ADAMTSL1: variants seen among roughly 807,000 people sequenced by gnomAD.
ADAMTSL1 encodes ADAMTS like 1.
A neutral mutation model predicts 201.8 loss-of-function variants in ADAMTSL1; 126 were observed. The observed-to-expected ratio is 0.62, with a 90% CI of 0.54 to 0.72. The LOEUF is 0.72. Among genes scored for constraint, ADAMTSL1 ranks in the 30% least tolerant of loss-of-function variants. The pLI is 0.00. For synonymous variants in ADAMTSL1, 1,121 were observed against 903.4 expected (o/e 1.24, Z -4.32); for missense variants, 2,679 against 2,277.8 (o/e 1.18, Z -3.59).
intron 1 of ADAMTSL1, among the ~76,000 whole-genome samples, chr9:18,094,017 T>G (rs1003911962): frequency 8.5e-5 from 13 of 152,180 alleles, no homozygotes; most frequent in Admixed American, 4.6e-4. Context: ...AGTTGATCCA[T>G]CATTTCATTT....
chr9:18,735,049 A>T (rs1441781688), intron 15 of ADAMTSL1, among the ~76,000 whole-genome samples: 1 of 152,222 alleles, frequency 6.6e-6, no homozygotes, highest in East Asian at 1.9e-4. Context: ...GTCCCTATGG[A>T]CAACACTGGA....
chr9:18,249,905 A>C (rs1174803137), intron 2 of ADAMTSL1, among the ~76,000 whole-genome samples: 2 of 152,158 alleles, frequency 1.3e-5, no homozygotes, highest in Non-Finnish European at 2.9e-5. Flanking sequence ...GCAATCTCTA[A>C]TGTGTTTGGA....
At chr9:18,749,147 T>C (rs475662) in intron 15 of ADAMTSL1, among the ~76,000 whole-genome samples, 33,196 of 152,150 alleles carry the variant, frequency 0.22, 3,901 homozygotes, top group Middle Eastern at 0.31. Flanking sequence ...TCTATTTCCA[T>C]GTAAGGTCAC....
chr9:18,414,677 A>C (rs1277612609), intron 2 of ADAMTSL1, among the ~76,000 whole-genome samples: 1 of 152,144 alleles, frequency 6.6e-6, no homozygotes, highest in Non-Finnish European at 1.5e-5. Context: ...TGAGTTGAGG[A>C]GTTGAACTTT....
chr9:18,794,175 A>T (rs906609210), intron 19 of ADAMTSL1, among the ~76,000 whole-genome samples: 1 of 152,100 alleles, frequency 6.6e-6, no homozygotes, highest in African/African-American at 2.4e-5. Context: ...AATAAATAAG[A>T]CCTGAAGAGG....
At chr9:17,977,429 T>A in intron 1 of ADAMTSL1, among the ~76,000 whole-genome samples, 1 of 152,080 alleles carries the variant, frequency 6.6e-6, no homozygotes, top group East Asian at 1.9e-4. Flanking sequence ...ATTCCTGGAC[T>A]TTTTTCTTTG....
intron 19 of ADAMTSL1, among the ~76,000 whole-genome samples, chr9:18,786,671 C>A (rs982835741): frequency 6.6e-6 from 1 of 152,166 alleles, no homozygotes; most frequent in Non-Finnish European, 1.5e-5. Flanking sequence ...AACTAAGAAG[C>A]TTCACTCTTA....
At chr9:18,474,686 C>A (rs1821365047) in intron 1 of ADAMTSL1, among the ~76,000 whole-genome samples, 1 of 152,222 alleles carries the variant, frequency 6.6e-6, no homozygotes, top group Middle Eastern at 3.4e-3. Flanking sequence ...GATGGATAGG[C>A]TTTGCAGAGC....
intron 13 of ADAMTSL1, among the ~76,000 whole-genome samples, chr9:18,686,294 C>G (rs1830834763): frequency 6.6e-6 from 1 of 152,166 alleles, no homozygotes. Context: ...AAAGTTACTA[C>G]AGCAAACTTT....
chr9:18,533,829 ACAAATGCCATAGGAAATAAATAAAGTT>A (rs1192366491), intron 3 of ADAMTSL1, among the ~76,000 whole-genome samples: 2 of 152,198 alleles, frequency 1.3e-5, no homozygotes, highest in African/African-American at 4.8e-5. Context: ...AAAAAATATC[ACAAATGCCATAGGAAATAAATAAAGTT>A]CTTTGTGGGC....
At chr9:18,118,697 G>A (rs1825368495) in intron 1 of ADAMTSL1, among the ~76,000 whole-genome samples, 1 of 152,174 alleles carries the variant, frequency 6.6e-6, no homozygotes, top group South Asian at 2.1e-4. Flanking sequence ...CTCAGCCCTA[G>A]GATTAGGTGG....
chr9:18,125,134 A>G (rs773980614), intron 1 of ADAMTSL1, among the ~76,000 whole-genome samples: 169 of 152,228 alleles, frequency 1.1e-3, no homozygotes, highest in Non-Finnish European at 1.2e-3. Flanking sequence ...AAGAGGTTTA[A>G]CTGGACTCAC....
chr9:18,649,830 G>A (rs972164818), intron 7 of ADAMTSL1, among the ~76,000 whole-genome samples: 1 of 152,144 alleles, frequency 6.6e-6, no homozygotes, highest in Non-Finnish European at 1.5e-5. Flanking sequence ...GGCTTCTTGG[G>A]GGTCAGGGGT....
intron 23 of ADAMTSL1, among the ~76,000 whole-genome samples, chr9:18,869,429 T>C (rs903459163): frequency 4.6e-5 from 7 of 152,230 alleles, no homozygotes; most frequent in Admixed American, 4.6e-4. Context: ...GGGATCACAG[T>C]CCTCTAGTTT....
At chr9:18,610,232 C>G (rs1564087538) in intron 4 of ADAMTSL1, among the ~76,000 whole-genome samples, 1 of 152,114 alleles carries the variant, frequency 6.6e-6, no homozygotes, top group African/African-American at 2.4e-5. Flanking sequence ...TGTTCTGTGA[C>G]AGAGTAAAAA....
intron 2 of ADAMTSL1, among the ~76,000 whole-genome samples, chr9:18,378,066 A>T (rs1837384540): frequency 6.6e-6 from 1 of 152,154 alleles, no homozygotes; most frequent in African/African-American, 2.4e-5. Context: ...CTCTGGGAAA[A>T]GGCATCTTCT....
chr9:18,767,982 A>G (rs957731194), intron 16 of ADAMTSL1, among the ~76,000 whole-genome samples: 1 of 152,240 alleles, frequency 6.6e-6, no homozygotes, highest in Admixed American at 6.5e-5. Flanking sequence ...GCTTCATGGC[A>G]TTGTCTAAGA....
intron 1 of ADAMTSL1, among the ~76,000 whole-genome samples, chr9:18,125,176 A>G (rs1378360830): frequency 6.6e-6 from 1 of 152,178 alleles, no homozygotes. Context: ...CCTCACAATC[A>G]TGGTGGAAGG....
At chr9:18,376,588 T>C (rs563321401) in intron 2 of ADAMTSL1, among the ~76,000 whole-genome samples, 1 of 152,256 alleles carries the variant, frequency 6.6e-6, no homozygotes, top group Middle Eastern at 3.4e-3. Context: ...GTGGATCACC[T>C]GAGGTCAGGA....
Sources: gnomAD v4.1 joint callset for allele counts (sites outside exome capture counted in the v4.1 genomes callset) on GRCh38, gnomAD v4.1.1 for gene constraint, MANE v1.5 for transcripts, NCBI Gene and HGNC (gene_info 2026-07-23, HGNC 2026-07-21) for gene names.